AGBL1: variants seen among roughly 807,000 people sequenced by gnomAD.
The protein encoded by AGBL1 is AGBL carboxypeptidase 1.
Under a neutral mutation model 118.9 loss-of-function variants are expected in AGBL1, and 130 were observed. The ratio of observed to expected loss-of-function variants is 1.09; its 90% CI spans 0.95 to 1.26. The LOEUF is 1.26. AGBL1 is among the 50% of genes most tolerant of loss of function. The pLI, the probability that AGBL1 is intolerant of heterozygous loss-of-function variation, is 0.00. For missense variants in AGBL1, 1,584 were observed against 1,298.1 expected, an observed-to-expected ratio of 1.22 and a Z score of -3.38; for synonymous variants, 555 against 478.9, an observed-to-expected ratio of 1.16 and a Z score of -2.08.
chr15:86,182,130 A>T (rs903415493), intron 5 of AGBL1, among the ~76,000 whole-genome samples: 2 of 152,026 alleles, frequency 1.3e-5, no homozygotes, highest in African/African-American at 4.8e-5. Context: ...CGGTGGGACA[A>T]ATAATTGGTT....
intron 1 of AGBL1, among the ~76,000 whole-genome samples, chr15:86,129,125 A>G (rs1170231221): frequency 2.0e-5 from 3 of 152,242 alleles, no homozygotes; most frequent in Non-Finnish European, 4.4e-5. Context: ...ATAGTCATTC[A>G]AAAATGAATA....
intron 19 of AGBL1, among the ~76,000 whole-genome samples, chr15:86,537,242 T>C (rs1484218367): frequency 6.6e-6 from 1 of 152,328 alleles, no homozygotes; most frequent in Non-Finnish European, 1.5e-5. Context: ...AAAAGACTAG[T>C]CTGAATCCCA....
At chr15:86,618,367 T>G (rs921102891) in intron 21 of AGBL1, among the ~76,000 whole-genome samples, 1 of 152,168 alleles carries the variant, frequency 6.6e-6, no homozygotes, top group African/African-American at 2.4e-5. Context: ...ATTACATTCC[T>G]GATGACACCA....
intron 6 of AGBL1, among the ~76,000 whole-genome samples, chr15:86,232,785 C>T (rs953829417): frequency 1.3e-5 from 2 of 152,148 alleles, no homozygotes; most frequent in African/African-American, 2.4e-5. Context: ...CAGGAAAACA[C>T]CATGTAAGGA....
chr15:86,642,739 A>G (rs1247201938), intron 21 of AGBL1, among the ~76,000 whole-genome samples: 1 of 152,104 alleles, frequency 6.6e-6, no homozygotes, highest in Non-Finnish European at 1.5e-5. Context: ...TTTTTATTTA[A>G]GATTTCACAT....
chr15:86,714,681 G>A (rs372074524), intron 22 of AGBL1, among the ~76,000 whole-genome samples: 3 of 152,266 alleles, frequency 2.0e-5, no homozygotes, highest in East Asian at 1.9e-4. Context: ...GAGTAAAGTC[G>A]TGACCTTGTT....
chr15:86,818,803 A>T (rs2078900663), intron 22 of AGBL1, among the ~76,000 whole-genome samples: 1 of 152,174 alleles, frequency 6.6e-6, no homozygotes, highest in South Asian at 2.1e-4. Context: ...TCAAATTGTT[A>T]TTCTGCCTCT....
chr15:86,681,631 G>A (rs2085959178), intron 22 of AGBL1, among the ~76,000 whole-genome samples: 1 of 152,172 alleles, frequency 6.6e-6, no homozygotes, highest in Non-Finnish European at 1.5e-5. Flanking sequence ...TTTGAATCAT[G>A]AGAGCTCTAT....
At chr15:86,132,978 A>C (rs981494367) in intron 1 of AGBL1, among the ~76,000 whole-genome samples, 1 of 152,110 alleles carries the variant, frequency 6.6e-6, no homozygotes, top group Non-Finnish European at 1.5e-5. Context: ...ATTTATCAAC[A>C]TTTTATTGAG....
chr15:86,592,279 C>G (rs1430480059), intron 21 of AGBL1, among the ~76,000 whole-genome samples: 1 of 152,202 alleles, frequency 6.6e-6, no homozygotes, highest in Non-Finnish European at 1.5e-5. Context: ...CTGCAGCAAA[C>G]TCGATTCTTG....
At chr15:86,741,920 G>A (rs1165236703) in intron 22 of AGBL1, among the ~76,000 whole-genome samples, 2 of 151,266 alleles carry the variant, frequency 1.3e-5, no homozygotes, top group Admixed American at 6.6e-5. Context: ...GTTAATTTCA[G>A]TTTTTCTCTA....
At chr15:86,674,516 G>A in intron 22 of AGBL1, 80 bp downstream of exon 22, 1 of 1,403,136 alleles carries the variant, frequency 7.1e-7, no homozygotes, top group Admixed American at 2.1e-5. Context: ...AAAGTCGAGT[G>A]GACCTAGGGG....
chr15:86,626,135 G>A (rs140799080), intron 21 of AGBL1, among the ~76,000 whole-genome samples: 1 of 152,226 alleles, frequency 6.6e-6, no homozygotes, highest in East Asian at 1.9e-4. Flanking sequence ...AATACCGTTC[G>A]ACCCAGCAAT....
intron 16 of AGBL1, among the ~76,000 whole-genome samples, chr15:86,290,234 T>C (rs2079522147): frequency 6.6e-6 from 1 of 152,136 alleles, no homozygotes; most frequent in African/African-American, 2.4e-5. Context: ...TTTTAGATAG[T>C]CATTTAGATG....
chr15:86,668,478 T>G (rs1479746776), intron 21 of AGBL1, among the ~76,000 whole-genome samples: 1 of 152,168 alleles, frequency 6.6e-6, no homozygotes, highest in Middle Eastern at 3.2e-3. Context: ...TTTCCCAGAT[T>G]TTTCCTATTT....
chr15:86,434,579 A>G (rs552147094), intron 18 of AGBL1, among the ~76,000 whole-genome samples: 1 of 152,244 alleles, frequency 6.6e-6, no homozygotes, highest in East Asian at 1.9e-4. Context: ...ATGGCTAATT[A>G]ACATTCAAAT....
At chr15:86,625,695 G>A (rs977835518) in intron 21 of AGBL1, among the ~76,000 whole-genome samples, 2 of 151,972 alleles carry the variant, frequency 1.3e-5, no homozygotes, top group Non-Finnish European at 2.9e-5. Context: ...GGTCAAGAAT[G>A]GCAGGTAAAG....
chr15:86,396,115 G>A (rs1853989930), intron 17 of AGBL1, among the ~76,000 whole-genome samples: 1 of 145,760 alleles, frequency 6.9e-6, no homozygotes, highest in South Asian at 2.2e-4. Flanking sequence ...ATGTGTGTGT[G>A]TATATATAAA....
intron 17 of AGBL1, among the ~76,000 whole-genome samples, chr15:86,324,740 T>A (rs931364316): frequency 3.9e-5 from 6 of 152,168 alleles, no homozygotes; most frequent in African/African-American, 1.4e-4. Flanking sequence ...AGAGTCGTAG[T>A]GGTAAATCAT....
Sources: allele counts gnomAD v4.1 joint callset (sites outside exome capture counted in the v4.1 genomes callset), GRCh38; gene constraint gnomAD v4.1.1; transcripts MANE v1.5; gene names NCBI Gene and HGNC (gene_info 2026-07-23, HGNC 2026-07-21).